Variants in ZNF536 observed in about 807,000 individuals in gnomAD.
ZNF536 encodes zinc finger protein 536.
In ZNF536, 13 loss-of-function variants were observed where a neutral mutation model predicts 84.5. That is an observed-to-expected ratio of 0.15 (90% CI 0.10 to 0.24). The LOEUF (loss-of-function observed/expected upper bound fraction) is 0.24. ZNF536 is among the 10% of genes least tolerant of loss of function. The pLI is 1.00. For missense variants in ZNF536, 1,536 were observed against 1,747.5 expected (o/e 0.88, Z 2.16); for synonymous variants, 811 against 742.5 (o/e 1.09, Z -1.50).
chr19:30,558,796 G>C (rs535530251), downstream of ZNF536, among the ~76,000 whole-genome samples: 29 of 152,236 alleles, frequency 1.9e-4, no homozygotes, highest in African/African-American at 6.7e-4. Context: ...TAAATTCAAT[G>C]ACCATCCCTG....
Position 30,310,597 on chromosome 19 carries a change from G to T in ZNF536, c.-120+26456G>T, listed in dbSNP as rs8107407. 2.8e-3 allele frequency among the ~76,000 whole-genome samples: 420 copies of T among 152,296 alleles called. 1 individual carries two copies. Among genetic ancestry groups the T allele is most frequent in the African/African-American group, 9.5e-3 (394 of 41,564 alleles). On this transcript the variant is annotated intron_variant, in intron 2 of 5. Transcript: ENST00000585628. ...GGAATTTCATTTAAGGCGAAAAGTG[G>T]GGAGAAAGGAGAAGACGGAGCAAGG... is the stretch of plus-strand genomic sequence containing the variant.
chr19:30,636,683 C>A (rs1374476199), intron 1 of ZNF536, among the ~76,000 whole-genome samples: 2 of 152,096 alleles, frequency 1.3e-5, no homozygotes, highest in African/African-American at 4.8e-5. Context: ...TCTTTATGTG[C>A]CTTTGAGTCA....
At chr19:30,562,578 T>C (rs1330836041), downstream of ZNF536, among the ~76,000 whole-genome samples, 1 of 152,170 alleles carries the variant, frequency 6.6e-6, no homozygotes, top group African/African-American at 2.4e-5. Flanking sequence ...GAGCTCACAG[T>C]TGAGCTTGAG....
intron 1 of ZNF536, among the ~76,000 whole-genome samples, chr19:30,269,258 T>G (rs1445965842): frequency 6.6e-6 from 1 of 152,154 alleles, no homozygotes; most frequent in Non-Finnish European, 1.5e-5. Context: ...ACAAGGTGGG[T>G]GTCCGGAGAG....
At chr19:30,271,299 C>CTTTTTT (rs781528411) in intron 1 of ZNF536, among the ~76,000 whole-genome samples, 497 of 111,456 alleles carry the variant, frequency 4.5e-3, no homozygotes, top group Non-Finnish European at 7.3e-3. Context: ...TTTTTCTTTT[C>CTTTTTT]TTTTTTTTTT....
intron 2 of ZNF536, among the ~76,000 whole-genome samples, chr19:30,454,339 A>T (rs941406458): frequency 6.6e-6 from 1 of 152,098 alleles, no homozygotes; most frequent in Admixed American, 6.6e-5. Context: ...AATGTCCAGA[A>T]ACTCTTAGCA....
chr19:30,356,139 A>T (rs1016343175), intron 3 of ZNF536, among the ~76,000 whole-genome samples: 5 of 152,248 alleles, frequency 3.3e-5, no homozygotes, highest in Non-Finnish European at 7.3e-5. Flanking sequence ...GTAGATTTCC[A>T]GAGAGCTCTT....
chr19:30,648,245 G>A lies in ZNF536; in HGVS notation c.170-62512G>A, dbSNP rs568755097. 2.9e-3 allele frequency among the ~76,000 whole-genome samples: 449 copies of A among 152,274 alleles called. 2 individuals are homozygous for A. Among genetic ancestry groups the A allele is most frequent in the Non-Finnish European group, 5.3e-3 (363 of 68,022 alleles). On this transcript the variant is annotated intron_variant, in intron 1 of 1. Transcript: ENST00000592773. ...GGCTGGGCCCACAAGAAGCGGTTCC[G>A]AGTCCCCAACCTGCGGCCGCGTGGA...
chr19:30,348,234 A>G (rs1555727271), intron 2 of ZNF536, among the ~76,000 whole-genome samples: 1 of 152,196 alleles, frequency 6.6e-6, no homozygotes, highest in Non-Finnish European at 1.5e-5. Flanking sequence ...CAAATAAAAC[A>G]CGAAGAAATG....
chr19:30,507,922 T>C (rs2055239192), intron 2 of ZNF536, among the ~76,000 whole-genome samples: 1 of 152,180 alleles, frequency 6.6e-6, no homozygotes, highest in African/African-American at 2.4e-5. Flanking sequence ...TCTGAGTAAT[T>C]ATTTGATTAA....
At chr19:30,451,004 G>A (rs954795632) in intron 2 of ZNF536, among the ~76,000 whole-genome samples, 2 of 152,276 alleles carry the variant, frequency 1.3e-5, no homozygotes, top group Admixed American at 6.5e-5. Context: ...GGCGGCCGCC[G>A]TGTTTGCGGA....
upstream of ZNF536, among the ~76,000 whole-genome samples, chr19:30,369,994 G>A (rs930522300): frequency 2.6e-5 from 4 of 152,184 alleles, no homozygotes; most frequent in Non-Finnish European, 5.9e-5. Context: ...CGCTGAGAAA[G>A]CACTCTAACG....
rs1555744993 is a variant in ZNF536 at position 30,402,796 on chromosome 19, A to ATATAT, written c.-3+30240_-3+30241insTATAT. On this transcript the variant is annotated intron_variant, in intron 1 of 4. Coordinates refer to ENST00000355537, the MANE Select transcript of ZNF536 (RefSeq NM_014717.3). ...TTTTAAACATTTTTTAAAATTAAAA[A>ATATAT]ATATATATATATATATATATATATA... 7.0e-3 allele frequency among the ~76,000 whole-genome samples: 599 copies of ATATAT among 85,578 alleles called. 25 individuals are homozygous for ATATAT. Among genetic ancestry groups the ATATAT allele is most frequent in the African/African-American group, 0.018 (483 of 26,352 alleles). 56.1% of individuals were successfully genotyped at this position (85,578 alleles called of 152,430 possible).
rs144877527 is a variant in ZNF536 at position 30,389,780 on chromosome 19, G to A, written c.-3+17224G>A. On this transcript the variant is annotated intron_variant, in intron 1 of 4. Transcript: ENST00000355537. ...GCCTAATAGCATCCTGCTGGCCCAA[G>A]CAGATAGCAGAGAGCTGCTGTGGGC... 1.5e-3 allele frequency among the ~76,000 whole-genome samples: 229 copies of A among 152,304 alleles called. 2 individuals carry two copies. The highest frequency in any genetic ancestry group is 5.1e-3 in the African/African-American group (213 of 41,568).
chr19:30,431,400 G>C (rs570443994), intron 1 of ZNF536, among the ~76,000 whole-genome samples: 23 of 152,284 alleles, frequency 1.5e-4, no homozygotes, highest in South Asian at 1.0e-3. Flanking sequence ...GGCAGCAGGG[G>C]ACCCGATGGA....
intron 1 of ZNF536, among the ~76,000 whole-genome samples, chr19:30,688,949 C>T (rs1028165984): frequency 3.3e-5 from 5 of 152,228 alleles, no homozygotes; most frequent in Non-Finnish European, 7.3e-5. Flanking sequence ...GGGACCTGGC[C>T]TCCCCTGAAT....
At chr19:30,591,988 G>A (rs2047291500) in intron 1 of ZNF536, among the ~76,000 whole-genome samples, 2 of 152,062 alleles carry the variant, frequency 1.3e-5, no homozygotes, top group South Asian at 4.2e-4. Flanking sequence ...TAAAATTAAA[G>A]GTCTATTGTC....
At chr19:30,410,669 G>A (rs1170452936) in intron 1 of ZNF536, among the ~76,000 whole-genome samples, 1 of 151,896 alleles carries the variant, frequency 6.6e-6, no homozygotes, top group African/African-American at 2.4e-5. Flanking sequence ...TAGTAGAGAC[G>A]GGGTTTCACC....
rs138318115 is a variant in ZNF536, at chr19:30,457,127, A to G, written c.2170+11395A>G. On this transcript the variant is annotated intron_variant, in intron 2 of 4. Transcript: ENST00000355537. ...ACAGCCTCTAGGTGCTGGACAGGTA[A>G]TTCACAGAGTGAGACAGACACATGG... Among the ~76,000 whole-genome samples, 772 of 152,176 alleles carry G rather than the reference A, an allele frequency of 5.1e-3. 9 individuals are homozygous for G. Among genetic ancestry groups the G allele is most frequent in the African/African-American group, 0.017 (726 of 41,516 alleles).
Sources: gnomAD v4.1 joint callset for allele counts (sites outside exome capture counted in the v4.1 genomes callset) on GRCh38, gnomAD v4.1.1 for gene constraint, MANE v1.5 for transcripts, NCBI Gene and HGNC (gene_info 2026-07-23, HGNC 2026-07-21) for gene names.